The following MAML2 variants were observed in gnomAD, a reference collection of about 807,000 sequenced individuals.
MAML2 encodes the protein mastermind-like protein 2.
Under a neutral mutation model 96.1 loss-of-function variants are expected in MAML2, and 22 were observed. The observed-to-expected ratio is 0.23, with a 90% CI of 0.16 to 0.33. MAML2 has a LOEUF of 0.33. Ranked by LOEUF, MAML2 falls within the 10% of genes least tolerant of loss-of-function variation. The probability of loss-of-function intolerance (pLI) is 1.00; values close to 1 mark genes in which losing one functional copy is unlikely to be tolerated. For synonymous variants in MAML2, 561 were observed against 521.3 expected (o/e 1.08, Z -1.04); for missense variants, 1,367 against 1,392.4 (o/e 0.98, Z 0.29).
intron 1 of MAML2, among the ~76,000 whole-genome samples, chr11:96,151,167 C>A (rs1333223745): frequency 1.3e-5 from 2 of 152,170 alleles, no homozygotes; most frequent in Non-Finnish European, 2.9e-5. Flanking sequence ...GGGACACTTT[C>A]CTTTTTCAGA....
At chr11:96,010,865 C>A (rs1466436996) in intron 2 of MAML2, among the ~76,000 whole-genome samples, 1 of 152,080 alleles carries the variant, frequency 6.6e-6, no homozygotes, top group Non-Finnish European at 1.5e-5. Context: ...AAAGTAATTT[C>A]ATGATGATGC....
chr11:96,042,961 A>G (rs920587158), intron 2 of MAML2, among the ~76,000 whole-genome samples: 1 of 151,616 alleles, frequency 6.6e-6, no homozygotes, highest in Non-Finnish European at 1.5e-5. Flanking sequence ...GGCCAGGCTG[A>G]TCTCAAACTC....
intron 1 of MAML2, among the ~76,000 whole-genome samples, chr11:96,271,842 G>A (rs571486275): frequency 1.3e-5 from 2 of 152,268 alleles, no homozygotes; most frequent in African/African-American, 4.8e-5. Flanking sequence ...CTACAAGGCC[G>A]TATGCAACCT....
chr11:95,990,142 A>C (rs1264302290), intron 3 of MAML2, among the ~76,000 whole-genome samples: 1 of 151,526 alleles, frequency 6.6e-6, no homozygotes, highest in African/African-American at 2.4e-5. Flanking sequence ...ATTTTCTCTT[A>C]CTTTTTATAC....
chr11:95,981,207 A>G (rs913322376), intron 4 of MAML2, among the ~76,000 whole-genome samples: 1 of 152,196 alleles, frequency 6.6e-6, no homozygotes, highest in African/African-American at 2.4e-5. Context: ...TTTCCTTGCC[A>G]TGTGACGAGA....
chr11:96,155,943 A>G (rs1276528634), intron 1 of MAML2, among the ~76,000 whole-genome samples: 2 of 152,174 alleles, frequency 1.3e-5, no homozygotes, highest in Non-Finnish European at 2.9e-5. Context: ...CAGCACATAA[A>G]CAAGCTCCCA....
chr11:96,095,077 C>G (rs1256853690), intron 1 of MAML2, among the ~76,000 whole-genome samples: 2 of 151,978 alleles, frequency 1.3e-5, no homozygotes, highest in Non-Finnish European at 2.9e-5. Context: ...AGTAACTTGC[C>G]CAGGGTCACA....
chr11:96,199,740 C>G (rs1440699522), intron 1 of MAML2, among the ~76,000 whole-genome samples: 1 of 152,168 alleles, frequency 6.6e-6, no homozygotes, highest in Non-Finnish European at 1.5e-5. Flanking sequence ...AAATCTAACT[C>G]TGCTTAGTCG....
chr11:96,216,435 A>G (rs1862050708), intron 1 of MAML2, among the ~76,000 whole-genome samples: 1 of 152,308 alleles, frequency 6.6e-6, no homozygotes, highest in Non-Finnish European at 1.5e-5. Flanking sequence ...AATTCTTCCC[A>G]GAGAATTTTA....
chr11:96,012,819 G>A (rs1858286556), intron 2 of MAML2, among the ~76,000 whole-genome samples: 1 of 152,142 alleles, frequency 6.6e-6, no homozygotes. Context: ...AAAGCACCAT[G>A]CTTTGACAAG....
At chr11:95,980,377 G>A (rs1301449665) in intron 4 of MAML2, among the ~76,000 whole-genome samples, 4 of 152,048 alleles carry the variant, frequency 2.6e-5, no homozygotes, top group Admixed American at 2.6e-4. Context: ...GAGAAAGTGT[G>A]GATGAATGCT....
intron 1 of MAML2, among the ~76,000 whole-genome samples, chr11:96,275,516 G>A (rs183606186): frequency 5.2e-4 from 79 of 152,046 alleles, no homozygotes; most frequent in African/African-American, 9.4e-4. Flanking sequence ...TGATCCACCC[G>A]CCTTGACCTC....
At chr11:96,090,610 A>T (rs533729250) in intron 2 of MAML2, among the ~76,000 whole-genome samples, 1 of 152,314 alleles carries the variant, frequency 6.6e-6, no homozygotes, top group Non-Finnish European at 1.5e-5. Flanking sequence ...TTAAAAAAGG[A>T]ATTTTGTAAA....
At position 96,326,280 on chromosome 11, in the gene MAML2, G is replaced by A. The variant is rs1420570713; in HGVS notation, c.513+15103C>T. On this transcript the variant is annotated intron_variant, in intron 1 of 4. Coordinates refer to ENST00000524717, the MANE Select transcript of MAML2 (RefSeq NM_032427.4). ...GGGCTTTAGAATTTAAACCTGGGAA[G>A]AATTTTAAGAGATTATCTAGTCCAT... Among the ~76,000 whole-genome samples, 8 of 152,034 alleles carry A rather than the reference G, an allele frequency of 5.3e-5. 1 individual carries two copies. The East Asian group carries it at 1.4e-3, about 26-fold the overall frequency.
chr11:96,125,251 A>C (rs1860419108), intron 1 of MAML2, among the ~76,000 whole-genome samples: 1 of 152,180 alleles, frequency 6.6e-6, no homozygotes, highest in African/African-American at 2.4e-5. Flanking sequence ...GACTGTGGTT[A>C]TTCAAGCAGG....
At chr11:96,256,322 C>G (rs1280048652) in intron 1 of MAML2, among the ~76,000 whole-genome samples, 1 of 152,106 alleles carries the variant, frequency 6.6e-6, no homozygotes, top group Admixed American at 6.5e-5. Context: ...TCCATTCCTC[C>G]CTGTTTCTCT....
chr11:96,251,913 T>C (rs1013624527), intron 1 of MAML2, among the ~76,000 whole-genome samples: 6 of 151,966 alleles, frequency 3.9e-5, no homozygotes, highest in African/African-American at 1.5e-4. Flanking sequence ...TTTGTATTTT[T>C]AGTAGAGACG....
At chr11:96,327,836 C>G (rs1863805669) in intron 1 of MAML2, among the ~76,000 whole-genome samples, 1 of 152,112 alleles carries the variant, frequency 6.6e-6, no homozygotes, top group African/African-American at 2.4e-5. Context: ...TGCCTCACAC[C>G]TGTAATCCCA....
At position 96,068,702 on chromosome 11, in the gene MAML2, C is replaced by T. The variant is rs185519308; in HGVS notation, c.2139+23190G>A. Among the ~76,000 whole-genome samples the T allele has an allele frequency of 4.0e-3, 615 of 151,866 alleles. 5 individuals are homozygous for T. Among genetic ancestry groups the T allele is most frequent in the African/African-American group, 0.014 (577 of 41,440 alleles). ...AAAATTAGCTGGGCATGGTGGCAGG[C>T]ACCTGTAGTCCCAGCTACTCAGGAG... On this transcript the variant is annotated intron_variant, in intron 2 of 4. Coordinates refer to ENST00000524717, the MANE Select transcript of MAML2 (RefSeq NM_032427.4).
Sources: gnomAD v4.1 joint callset for allele counts (sites outside exome capture counted in the v4.1 genomes callset) on GRCh38, gnomAD v4.1.1 for gene constraint, MANE v1.5 for transcripts, NCBI Gene and HGNC (gene_info 2026-07-23, HGNC 2026-07-21) for gene names.